The following SFI1 variants were observed in gnomAD, a reference collection of about 807,000 sequenced individuals.
SFI1 encodes SFI1 centrin binding protein, also known as protein SFI1 homolog.
A neutral mutation model predicts 207.5 loss-of-function variants in SFI1; 195 were observed. The ratio of observed to expected loss-of-function variants is 0.94; its 90% CI spans 0.84 to 1.06. The LOEUF (loss-of-function observed/expected upper bound fraction) is 1.06, where lower values mean the gene tolerates loss of function less well. SFI1 is among the 50% of genes least tolerant of loss of function. SFI1 has a pLI of 0.00. For synonymous variants in SFI1, 630 were observed against 598.9 expected, an observed-to-expected ratio of 1.05 and a Z score of -0.76; for missense variants, 1,634 against 1,588.0, an observed-to-expected ratio of 1.03 and a Z score of -0.49.
At position 31,573,069 on chromosome 22, in the gene SFI1, G is replaced by A. The variant is rs2063119076; in HGVS notation, c.777G>A (p.Gln259=). ...ALSLQVQAWS[Q]WREQLLYVQK... is the part of the protein sequence containing the mutation. ...TCTCTGGTTTTCAGGCTTGGTCACA[G>A]TGGCGGGAACAGCTCCTGTATGTCC... The change falls in exon 9 of 33, where the codon CAG becomes CAA. Residue 259 remains glutamine, a synonymous_variant. Coordinates refer to ENST00000400288, the MANE Select transcript of SFI1 (RefSeq NM_001007467.3). The A allele has an allele frequency of 1.3e-6, 2 of 1,585,438 alleles. No homozygotes were observed. Among genetic ancestry groups the A allele is most frequent in the Admixed American group, 1.7e-5 (1 of 58,724 alleles).
intron 1 of SFI1, among the ~76,000 whole-genome samples, chr22:31,502,192 T>C (rs573496452): frequency 3.6e-4 from 55 of 152,350 alleles, no homozygotes; most frequent in African/African-American, 1.3e-3. Flanking sequence ...TTTGGTGATG[T>C]TTTCTGACCA....
At chr22:31,582,311 G>C (rs1300687994) in intron 12 of SFI1, among the ~76,000 whole-genome samples, 1 of 126,140 alleles carries the variant, frequency 7.9e-6, no homozygotes, top group East Asian at 2.5e-4. Context: ...GCAGTAAGTA[G>C]CTTGATCTCG....
At chr22:31,594,771 C>T (rs2066824046) in intron 15 of SFI1, among the ~76,000 whole-genome samples, 1 of 141,398 alleles carries the variant, frequency 7.1e-6, no homozygotes, top group Non-Finnish European at 1.5e-5. Flanking sequence ...AGGAGAATGG[C>T]ATGAACCTGG....
chr22:31,557,502 A>T (rs765564623), intron 7 of SFI1, among the ~76,000 whole-genome samples: 7 of 152,100 alleles, frequency 4.6e-5, no homozygotes, highest in Non-Finnish European at 5.9e-5. Context: ...ACCTTGAAAC[A>T]ATATTTTGAA....
intron 2 of SFI1, among the ~76,000 whole-genome samples, chr22:31,524,698 ATTTTTTT>A (rs59764922): frequency 7.3e-6 from 1 of 137,466 alleles, no homozygotes; most frequent in East Asian, 2.1e-4. Context: ...TTTTAATTGG[ATTTTTTT>A]TTTTTTTTTT....
intron 8 of SFI1, among the ~76,000 whole-genome samples, chr22:31,570,531 A>G (rs2062842363): frequency 6.6e-6 from 1 of 152,170 alleles, no homozygotes; most frequent in African/African-American, 2.4e-5. Context: ...ATATGTGTGG[A>G]ATACTGAGGA....
chr22:31,540,603 CAG>C (rs1207921675), intron 4 of SFI1, among the ~76,000 whole-genome samples: 5 of 144,266 alleles, frequency 3.5e-5, no homozygotes, highest in East Asian at 2.0e-4. Flanking sequence ...TTTTTTTAAA[CAG>C]AGTTTTACTC....
intron 6 of SFI1, among the ~76,000 whole-genome samples, chr22:31,555,327 A>G (rs2061059985): frequency 6.6e-6 from 1 of 152,186 alleles, no homozygotes; most frequent in South Asian, 2.1e-4. Flanking sequence ...ATCTCTACAA[A>G]AAAATACAAA....
At position 31,604,335 on chromosome 22, in the gene SFI1, G is replaced by A; in HGVS notation, c.1908G>A (p.Arg636=). The change falls in exon 19 of 33, where the codon CGG becomes CGA. Residue 636 remains arginine, a synonymous_variant. Transcript: ENST00000400288. The part of the protein sequence containing the change: ...RECLALRGAE[R]QKLMRADLHH... Reference sequence around the variant, plus strand: ...GCCTGGCCCTGCGGGGAGCGGAGCGGCAGAAGCTGATGCGAGCAGACCTGC... The same window carrying A: ...GCCTGGCCCTGCGGGGAGCGGAGCGACAGAAGCTGATGCGAGCAGACCTGC... The A allele has an allele frequency of 6.3e-7, 1 of 1,579,910 alleles. No homozygotes were observed.
In SFI1 at chr22:31,561,331, G is replaced by A. The variant is rs201351749; in HGVS notation, c.704G>A (p.Arg235His). 1.1e-5 allele frequency: 17 copies of A among 1,614,128 alleles called. No individual in the cohort carries two copies. The Middle Eastern group carries it at 4.9e-4, about 47-fold the overall frequency. Residue 235 changes from arginine to histidine, a missense_variant, in exon 8 of 33, where the codon CGT (arginine) becomes CAT (histidine). Physicochemically the swap from Arg to His is conservative, Grantham distance 29. Coordinates refer to ENST00000400288, the MANE Select transcript of SFI1 (RefSeq NM_001007467.3). ...TGGAGGCAGCGACTAGGACAGGTCC[G>A]TGTGAGCCGTGCCCTCCATGCCTCT... is the stretch of plus-strand genomic sequence containing the variant. ...STWRQRLGQV[R>H]VSRALHASAL... is the part of the protein sequence containing the mutation.
rs1038981203 is a variant in SFI1 at position 31,586,164 on chromosome 22, C to G, written c.1413+1030C>G. On this transcript the variant is annotated intron_variant, in intron 14 of 32. Coordinates refer to ENST00000400288, the MANE Select transcript of SFI1 (RefSeq NM_001007467.3). ...CTGCCAGTGGTTCCCTAAAGGTCCTCTGTGCCCTCCTGCTTCTCTTTGTAC... is the reference window on the plus strand; with the variant it reads ...CTGCCAGTGGTTCCCTAAAGGTCCTGTGTGCCCTCCTGCTTCTCTTTGTAC... Among the ~76,000 whole-genome samples, 5 of 152,154 alleles carry G rather than the reference C, an allele frequency of 3.3e-5. No individual in the cohort carries two copies. The South Asian group carries it at 1.0e-3, about 32-fold the overall frequency.
chr22:31,601,269 G>A (rs1271093685), intron 15 of SFI1, among the ~76,000 whole-genome samples: 4 of 151,108 alleles, frequency 2.6e-5, no homozygotes, highest in Admixed American at 6.6e-5. Context: ...GACTACAGGC[G>A]CCCACCACCA....
chr22:31,575,858 T>C (rs897916204), intron 10 of SFI1, among the ~76,000 whole-genome samples: 1 of 152,220 alleles, frequency 6.6e-6, no homozygotes, highest in Admixed American at 6.5e-5. Context: ...TAGCAGACAT[T>C]ATGCATCATC....
Position 31,616,984 on chromosome 22 carries a change from A to G in SFI1, c.3434-16A>G, listed in dbSNP as rs772823740. On this transcript the variant is annotated splice_polypyrimidine_tract_variant and intron_variant, in intron 30 of 32. Transcript: ENST00000400288. The stretch of plus-strand genomic sequence containing the variant: ...GGGGAAAATAGTCTGAAACAAGCTT[A>G]CTTCTGTCGCCATAGGCAGCCTGGA... 1.8e-5 allele frequency: 29 copies of G among 1,613,906 alleles called. No homozygotes were observed. The highest frequency in any genetic ancestry group is 1.0e-4 in the Admixed American group (6 of 59,992).
chr22:31,513,403 C>T (rs1399566432), intron 2 of SFI1, among the ~76,000 whole-genome samples: 1 of 151,978 alleles, frequency 6.6e-6, no homozygotes, highest in Non-Finnish European at 1.5e-5. Context: ...AAGCAATCTG[C>T]CCCTCCCAAA....
intron 29 of SFI1, 199 bp downstream of exon 29, chr22:31,615,478 A>G (rs1026145697): frequency 5.1e-5 from 23 of 449,236 alleles, no homozygotes; most frequent in Middle Eastern, 5.6e-4. Flanking sequence ...GGGCCCTGCC[A>G]TCCTGAAGCT....
chr22:31,602,156 T>G, intron 15 of SFI1, 56 bp from the exon 16 acceptor site: 1 of 1,417,004 alleles, frequency 7.1e-7, no homozygotes, highest in Non-Finnish European at 1.0e-6. Flanking sequence ...TCTAGTTCTG[T>G]TTGGGTTAAT....
intron 2 of SFI1, among the ~76,000 whole-genome samples, chr22:31,508,788 C>T (rs1200559535): frequency 1.3e-5 from 2 of 152,130 alleles, no homozygotes; most frequent in African/African-American, 4.8e-5. Context: ...GTATAACTCT[C>T]CCTTTCTGGG....
At chr22:31,521,915 C>CA (rs2057318840) in intron 2 of SFI1, among the ~76,000 whole-genome samples, 1 of 151,868 alleles carries the variant, frequency 6.6e-6, no homozygotes, top group Non-Finnish European at 1.5e-5. Flanking sequence ...AGGCATGCGT[C>CA]ACCATGCTTG....
Sources: gnomAD v4.1 joint callset for allele counts (sites outside exome capture counted in the v4.1 genomes callset) on GRCh38, gnomAD v4.1.1 for gene constraint, MANE v1.5 for transcripts, NCBI Gene and HGNC (gene_info 2026-07-23, HGNC 2026-07-21) for gene names.